Variants in NTRK3 observed in about 807,000 individuals in gnomAD.
NTRK3 encodes neurotrophic receptor tyrosine kinase 3.
In NTRK3, 24 loss-of-function variants were observed where a neutral mutation model predicts 91.7. The observed-to-expected ratio is 0.26, with a 90% CI of 0.19 to 0.37. The LOEUF is 0.37. NTRK3 is among the 10% of genes least tolerant of loss of function. NTRK3 has a pLI of 1.00. For synonymous variants in NTRK3, 483 were observed against 404.0 expected, an observed-to-expected ratio of 1.20 and a Z score of -2.34; for missense variants, 880 against 1,068.9, an observed-to-expected ratio of 0.82 and a Z score of 2.46.
chr15:88,144,565 T>A (rs187792636), intron 6 of NTRK3, among the ~76,000 whole-genome samples: 4 of 152,110 alleles, frequency 2.6e-5, no homozygotes, highest in Non-Finnish European at 4.4e-5. Flanking sequence ...AGAAACAGCC[T>A]GGTCTTTGGA....
At chr15:87,931,645 T>G (rs2068806161) in intron 16 of NTRK3, among the ~76,000 whole-genome samples, 1 of 152,324 alleles carries the variant, frequency 6.6e-6, no homozygotes, top group African/African-American at 2.4e-5. Context: ...AGGAATCCAT[T>G]TCATTGTGAA....
At chr15:88,180,615 A>G (rs1204254891) in intron 5 of NTRK3, among the ~76,000 whole-genome samples, 1 of 150,672 alleles carries the variant, frequency 6.6e-6, no homozygotes, top group Non-Finnish European at 1.5e-5. Flanking sequence ...ACTAGGGGCA[A>G]TGATATCACT....
intron 17 of NTRK3, among the ~76,000 whole-genome samples, chr15:87,898,044 T>C (rs979416862): frequency 6.6e-6 from 1 of 152,228 alleles, no homozygotes; most frequent in Non-Finnish European, 1.5e-5. Flanking sequence ...AACAGAGGCA[T>C]GGCAAGGCTT....
intron 3 of NTRK3, among the ~76,000 whole-genome samples, chr15:88,198,976 C>T (rs1190976877): frequency 1.3e-5 from 2 of 152,230 alleles, no homozygotes; most frequent in Non-Finnish European, 2.9e-5. Flanking sequence ...AATTTCTCTG[C>T]TGTGCTGTCC....
chr15:87,948,430 G>A (rs1238447748), intron 14 of NTRK3, among the ~76,000 whole-genome samples: 1 of 152,226 alleles, frequency 6.6e-6, no homozygotes, highest in Non-Finnish European at 1.5e-5. Context: ...GCTCACGCCT[G>A]TAATCCCAGC....
chr15:88,064,682 G>A (rs1352500424), intron 13 of NTRK3, among the ~76,000 whole-genome samples: 1 of 152,160 alleles, frequency 6.6e-6, no homozygotes, highest in Non-Finnish European at 1.5e-5. Context: ...GAGCGAGAGG[G>A]TGGACATGAC....
At chr15:88,033,646 T>C (rs573028956) in intron 13 of NTRK3, among the ~76,000 whole-genome samples, 14 of 152,132 alleles carry the variant, frequency 9.2e-5, no homozygotes, top group African/African-American at 3.4e-4. Flanking sequence ...ACTGGAAGCG[T>C]ATTCCTCGAA....
intron 6 of NTRK3, among the ~76,000 whole-genome samples, chr15:88,139,996 G>A (rs1363699309): frequency 6.6e-6 from 1 of 152,134 alleles, no homozygotes; most frequent in Non-Finnish European, 1.5e-5. Flanking sequence ...GGTGAGGTGT[G>A]AAAACAGAAA....
intron 13 of NTRK3, among the ~76,000 whole-genome samples, chr15:88,122,143 A>G (rs944262869): frequency 2.6e-5 from 4 of 152,206 alleles, no homozygotes; most frequent in African/African-American, 4.8e-5. Context: ...ATAAATTAAA[A>G]CACTCACAGA....
intron 13 of NTRK3, among the ~76,000 whole-genome samples, chr15:88,050,816 C>T (rs2080753766): frequency 6.6e-6 from 1 of 152,142 alleles, no homozygotes; most frequent in Non-Finnish European, 1.5e-5. Flanking sequence ...TGTCCCTCAG[C>T]TAATAAATGG....
intron 3 of NTRK3, among the ~76,000 whole-genome samples, chr15:88,229,224 A>G (rs1435047777): frequency 6.6e-6 from 1 of 152,190 alleles, no homozygotes; most frequent in Non-Finnish European, 1.5e-5. Context: ...GATTACATAC[A>G]TAATGGTATT....
intron 15 of NTRK3, among the ~76,000 whole-genome samples, chr15:87,933,853 T>A (rs530024928): frequency 6.6e-6 from 1 of 152,146 alleles, no homozygotes; most frequent in East Asian, 1.9e-4. Context: ...TCAGATACAC[T>A]CAGGGCCAGG....
intron 5 of NTRK3, among the ~76,000 whole-genome samples, chr15:88,154,183 C>CAGGG (rs2043670585): frequency 6.6e-6 from 1 of 151,608 alleles, no homozygotes; most frequent in African/African-American, 2.4e-5. Flanking sequence ...CTCCAAGAGC[C>CAGGG]AGGGAACCTA....
chr15:87,955,869 C>A (rs2071603726), intron 14 of NTRK3, among the ~76,000 whole-genome samples: 1 of 152,168 alleles, frequency 6.6e-6, no homozygotes, highest in African/African-American at 2.4e-5. Flanking sequence ...AACAAATATG[C>A]ATTAAACTTT....
intron 10 of NTRK3, among the ~76,000 whole-genome samples, chr15:88,134,643 G>A (rs926776287): frequency 4.6e-5 from 7 of 152,214 alleles, no homozygotes; most frequent in African/African-American, 1.4e-4. Flanking sequence ...GGAAATCCCG[G>A]AACCATCATC....
At chr15:88,135,506 A>G in intron 9 of NTRK3, 109 bp from the exon 10 acceptor site, 1 of 1,273,086 alleles carries the variant, frequency 7.9e-7, no homozygotes, top group Non-Finnish European at 1.1e-6. Flanking sequence ...CCCACTCTGA[A>G]AAGGCTGAGG....
At chr15:88,012,097 G>C (rs1428174064) in intron 14 of NTRK3, among the ~76,000 whole-genome samples, 1 of 152,110 alleles carries the variant, frequency 6.6e-6, no homozygotes, top group Non-Finnish European at 1.5e-5. Flanking sequence ...TGTACCCTAC[G>C]GCCTTGTGCA....
chr15:87,975,865 A>G (rs2073673199), intron 14 of NTRK3, among the ~76,000 whole-genome samples: 1 of 152,176 alleles, frequency 6.6e-6, no homozygotes, highest in Non-Finnish European at 1.5e-5. Context: ...AATGGAAGCC[A>G]CCAGACAAGA....
chr15:88,173,237 G>T (rs1211728867), intron 5 of NTRK3, among the ~76,000 whole-genome samples: 5 of 152,178 alleles, frequency 3.3e-5, no homozygotes, highest in Admixed American at 1.3e-4. Context: ...GGAGGTGTCA[G>T]ATGTTGAAGT....
Sources: gnomAD v4.1 joint callset for allele counts (sites outside exome capture counted in the v4.1 genomes callset) on GRCh38, gnomAD v4.1.1 for gene constraint, MANE v1.5 for transcripts, NCBI Gene and HGNC (gene_info 2026-07-23, HGNC 2026-07-21) for gene names.